The following HSPG2 variants were observed in gnomAD, a reference collection of about 807,000 sequenced individuals.
HSPG2 encodes heparan sulfate proteoglycan 2.
Under a neutral mutation model 526.6 loss-of-function variants are expected in HSPG2, and 278 were observed. The observed-to-expected ratio is 0.53, with a 90% CI of 0.48 to 0.58. The LOEUF (loss-of-function observed/expected upper bound fraction) is 0.58. Among genes scored for constraint, HSPG2 ranks in the 20% least tolerant of loss-of-function variants. The pLI is 0.00. For synonymous variants in HSPG2, 2,465 were observed against 2,555.4 expected (o/e 0.96, Z 1.07); for missense variants, 5,354 against 6,099.5 (o/e 0.88, Z 4.07).
At chr1:21,877,771 T>C (rs1163128940) in intron 21 of HSPG2, among the ~76,000 whole-genome samples, 2 of 152,200 alleles carry the variant, frequency 1.3e-5, no homozygotes, top group Non-Finnish European at 1.5e-5. Flanking sequence ...GTGCTGGGAT[T>C]ACAGGCGTGA....
At position 21,838,943 on chromosome 1, in the gene HSPG2, G is replaced by A. The variant is rs373818366; in HGVS notation, c.10032C>T (p.Thr3344=). ...RVGSSLPGRA[T]ARNELLHFER... Reference sequence around the variant, plus strand: ...CAAAGTGCAGCAGCTCGTTCCTGGCGGTCGCCCTCCCAGGAAGGCTGCTGC... The same window carrying A: ...CAAAGTGCAGCAGCTCGTTCCTGGCAGTCGCCCTCCCAGGAAGGCTGCTGC... Residue 3344 remains threonine, a synonymous_variant, in exon 74 of 97, where the codon ACC becomes ACT. Coordinates refer to ENST00000374695, the MANE Select transcript of HSPG2 (RefSeq NM_005529.7). 94 of 1,612,340 alleles carry A rather than the reference G, an allele frequency of 5.8e-5. No individual in the cohort carries two copies. Among genetic ancestry groups the A allele is most frequent in the Non-Finnish European group, 7.8e-5 (92 of 1,179,162 alleles).
chr1:21,850,814 C>T (rs954946462), intron 55 of HSPG2, among the ~76,000 whole-genome samples: 3 of 152,142 alleles, frequency 2.0e-5, no homozygotes, highest in East Asian at 1.9e-4. Flanking sequence ...AAAATCATAG[C>T]GGATCTCGCA....
chr1:21,884,960 T>C (rs1641773689), intron 11 of HSPG2, 42 bp from the exon 12 acceptor site: 2 of 1,613,796 alleles, frequency 1.2e-6, no homozygotes, highest in East Asian at 2.2e-5. Context: ...GGCCTAGGGC[T>C]CTGGACCAGC....
rs763007014 is a variant in HSPG2, at chr1:21,874,525, C to T, written c.3537G>A (p.Gln1179=). 1 of 1,613,614 alleles carries T rather than the reference C, an allele frequency of 6.2e-7. No homozygotes were observed. Among genetic ancestry groups the T allele is most frequent in the South Asian group, 1.1e-5 (1 of 91,068 alleles). ...CACACCGAGGGCCCTCCGTGTGATGCTGGCAGCCCTGGAGGAGCAGGATGT... is the reference window on the plus strand; with the variant it reads ...CACACCGAGGGCCCTCCGTGTGATGTTGGCAGCCCTGGAGGAGCAGGATGT... ...EPETGACQGC[Q]HHTEGPRCEQ... The change falls in exon 28 of 97, where the codon CAG becomes CAA. Residue 1179 remains glutamine, a synonymous_variant. Coordinates refer to ENST00000374695, the MANE Select transcript of HSPG2 (RefSeq NM_005529.7).
Position 21,844,284 on chromosome 1 carries a change from G to A in HSPG2, c.8480C>T (p.Pro2827Leu), listed in dbSNP as rs1638246449. 6.2e-7 allele frequency: 1 copy of A among 1,613,126 alleles called. No individual in the cohort carries two copies. The highest frequency in any genetic ancestry group is 2.2e-5 in the East Asian group (1 of 44,876). ...GGAGGAGGGCTCGATGCGGATGGGTGGGGCTCCACCTGGGGCTGGGGCACA... is the reference window on the plus strand; with the variant it reads ...GGAGGAGGGCTCGATGCGGATGGGTAGGGCTCCACCTGGGGCTGGGGCACA... ...AVHVPAPGGA[P>L]PIRIEPSSSR... The change falls in exon 65 of 97, where the codon CCA (proline) becomes CTA (leucine). Residue 2827 changes from proline to leucine, a missense_variant. Pro to Leu is a moderately conservative substitution (Grantham distance 98). Coordinates refer to ENST00000374695, the MANE Select transcript of HSPG2 (RefSeq NM_005529.7).
intron 66 of HSPG2, 140 bp downstream of exon 66, chr1:21,843,157 G>T: frequency 1.6e-6 from 2 of 1,276,742 alleles, no homozygotes; most frequent in Non-Finnish European, 1.1e-6. Context: ...GGGAACACCT[G>T]GGTTGGCTTG....
At chr1:21,863,068 A>AAACAAAAAAAAAAC in intron 37 of HSPG2, among the ~76,000 whole-genome samples, 1 of 66,264 alleles carries the variant, frequency 1.5e-5, no homozygotes, top group South Asian at 6.7e-4. Context: ...CTCAAAAAAA[A>AAACAAAAAAAAAAC]AAAAAAAAAA....
At chr1:21,841,476 G>A (rs1273321580) in intron 70 of HSPG2, 63 bp downstream of exon 70, 1 of 1,604,860 alleles carries the variant, frequency 6.2e-7, no homozygotes, top group Non-Finnish European at 8.5e-7. Context: ...AAACTTGGAG[G>A]CTCTGAGCTG....
chr1:21,839,600 C>A lies in HSPG2; in HGVS notation c.9710-50G>T. On this transcript the variant is annotated intron_variant, in intron 72 of 96. Coordinates refer to ENST00000374695, the MANE Select transcript of HSPG2 (RefSeq NM_005529.7). The surrounding 1 kb of genome is among the most constrained non-coding windows in gnomAD (Gnocchi z 4.5). Reference sequence around the variant, plus strand: ...AGAAGTCACTGGGCTACCTCAGGGACCCGCAGAGGGTGGCCATGGTGAGGA... The same window carrying A: ...AGAAGTCACTGGGCTACCTCAGGGAACCGCAGAGGGTGGCCATGGTGAGGA... 1 of 1,599,082 alleles carries A rather than the reference C, an allele frequency of 6.3e-7. No individual in the cohort carries two copies. The highest frequency in any genetic ancestry group is 2.3e-5 in the East Asian group (1 of 44,414).
At position 21,876,646 on chromosome 1, in the gene HSPG2, C is replaced by T; in HGVS notation, c.2692G>A (p.Val898Met). Residue 898 changes from valine to methionine, a missense_variant, in exon 22 of 97, where the codon GTG becomes ATG. Coordinates refer to ENST00000374695, the MANE Select transcript of HSPG2 (RefSeq NM_005529.7). ...CATTCATTGCACAAGCGCCCCACCACATTGTTCTGCAGGCACAGAGTTGGA... is the reference window on the plus strand; with the variant it reads ...CATTCATTGCACAAGCGCCCCACCATATTGTTCTGCAGGCACAGAGTTGGA... ...SGEACRCKNN[V>M]VGRLCNECAD... 1 of 1,614,226 alleles carries T rather than the reference C, an allele frequency of 6.2e-7. No homozygotes were observed. Among genetic ancestry groups the T allele is most frequent in the South Asian group, 1.1e-5 (1 of 91,088 alleles).
chr1:21,848,601 G>T lies in HSPG2; in HGVS notation c.7737+42C>A. ...GTCCCCCCTCTTCCCATTGGGGGCT[G>T]GTGTGCCCTGCTTTTGCCCTCCCCA... On this transcript the variant is annotated intron_variant, in intron 59 of 96. Coordinates refer to ENST00000374695, the MANE Select transcript of HSPG2 (RefSeq NM_005529.7). The surrounding 1 kb of genome is among the most constrained non-coding windows in gnomAD (Gnocchi z 4.9). 6.2e-7 allele frequency: 1 copy of T among 1,610,344 alleles called. No individual in the cohort carries two copies. Among genetic ancestry groups the T allele is most frequent in the Non-Finnish European group, 8.5e-7 (1 of 1,178,426 alleles).
chr1:21,844,018 G>T, intron 65 of HSPG2, 130 bp downstream of exon 65: 2 of 1,262,290 alleles, frequency 1.6e-6, no homozygotes, highest in South Asian at 1.3e-5. Flanking sequence ...TCAACTTCCT[G>T]ATTCCATTGA....
chr1:21,867,651 C>G (rs567039021), intron 33 of HSPG2, among the ~76,000 whole-genome samples: 1 of 152,306 alleles, frequency 6.6e-6, no homozygotes, highest in Non-Finnish European at 1.5e-5. Context: ...CCACCCTCGG[C>G]TCCAGCAGAT....
In HSPG2 at chr1:21,844,155, C is replaced by G. The variant is rs111846397; in HGVS notation, c.8609G>C (p.Arg2870Pro). The G allele has an allele frequency of 3.3e-5, 53 of 1,612,942 alleles. No individual in the cohort carries two copies. Among genetic ancestry groups the G allele is most frequent in the Non-Finnish European group, 4.2e-5 (50 of 1,179,984 alleles). The part of the protein sequence containing the change: ...WHKRGGNLPA[R>P]HQVHGPLLRL... The stretch of plus-strand genomic sequence containing the variant: ...CTTCTCCAGCTCCTTTACCTGGTGC[C>G]GGGCAGGGAGGTTTCCTCCACGCTT... The change falls in exon 65 of 97, where the codon CGG becomes CCG. Residue 2870 changes from arginine to proline, a missense_variant. By Grantham distance (103) the Arg-to-Pro change is moderately radical (BLOSUM62 -2). Coordinates refer to ENST00000374695, the MANE Select transcript of HSPG2 (RefSeq NM_005529.7).
intron 80 of HSPG2, 160 bp downstream of exon 80, chr1:21,833,108 C>A: frequency 4.2e-6 from 3 of 706,138 alleles, no homozygotes; most frequent in South Asian, 3.0e-5. Context: ...AGAAGGCACA[C>A]CAGGGTGGAG....
At chr1:21,827,952 A>ATAG (rs751389923) in intron 90 of HSPG2, 33 bp from the exon 91 acceptor site, 49 of 1,608,938 alleles carry the variant, frequency 3.0e-5, no homozygotes, top group Non-Finnish European at 3.9e-5. Flanking sequence ...GTTGGTGGGC[A>ATAG]TAGACACCCG....
At chr1:21,832,643 GC>G in intron 80 of HSPG2, 37 bp from the exon 81 acceptor site, 1 of 1,526,950 alleles carries the variant, frequency 6.5e-7, no homozygotes, top group Non-Finnish European at 9.1e-7. Flanking sequence ...CCCCCTTCCA[GC>G]CACAGGCTCC....
chr1:21,876,467 C>G, intron 22 of HSPG2, 45 bp downstream of exon 22: 1 of 1,612,782 alleles, frequency 6.2e-7, no homozygotes, highest in Non-Finnish European at 8.5e-7. Flanking sequence ...TTGGTCCATC[C>G]GGCCCAGGGC....
At chr1:21,870,228 T>C in intron 33 of HSPG2, 1 of 985,992 alleles carries the variant, frequency 1.0e-6, no homozygotes, top group Non-Finnish European at 1.2e-6. Flanking sequence ...ATGCCCGCTG[T>C]GCCCAGTCCC....
Sources: allele counts gnomAD v4.1 joint callset (sites outside exome capture counted in the v4.1 genomes callset), GRCh38; gene constraint gnomAD v4.1.1; non-coding constraint Gnocchi (gnomAD v3.1); transcripts MANE v1.5; gene names NCBI Gene and HGNC (gene_info 2026-07-23, HGNC 2026-07-21).